Variants in TUBB3 observed in about 807,000 individuals in gnomAD.
TUBB3 encodes the protein tubulin beta-3 chain.
In TUBB3, 17 loss-of-function variants were observed where a neutral mutation model predicts 37.8. The observed-to-expected ratio is 0.45, with a 90% CI of 0.31 to 0.67. The LOEUF (loss-of-function observed/expected upper bound fraction) is 0.67, where lower values mean the gene tolerates loss of function less well. TUBB3 is among the 30% of genes least tolerant of loss of function. The pLI is 0.07. For missense variants in TUBB3, 262 were observed against 657.9 expected (o/e 0.40, Z 6.58); for synonymous variants, 332 against 278.9 (o/e 1.19, Z -1.90).
intron 1 of TUBB3, among the ~76,000 whole-genome samples, chr16:89,929,382 A>G (rs12325120): frequency 0.25 from 37,605 of 152,088 alleles, 6,562 homozygotes; most frequent in African/African-American, 0.5. Context: ...GACCTCTGAT[A>G]ACAGTCTCAG....
chr16:89,928,229 G>GT (rs929566604), intron 1 of TUBB3, among the ~76,000 whole-genome samples: 6 of 149,148 alleles, frequency 4.0e-5, no homozygotes, highest in South Asian at 2.1e-4. Flanking sequence ...TAATTTTTTT[G>GT]TTTTTTGGTA....
intron 1 of TUBB3, among the ~76,000 whole-genome samples, chr16:89,923,803 G>C (rs967574411): frequency 7.2e-5 from 11 of 152,252 alleles, no homozygotes; most frequent in African/African-American, 2.6e-4. Context: ...TCTTTTTTGG[G>C]GCCGCGGCAT....
Position 89,932,626 on chromosome 16 carries a change from G to A in TUBB3, c.113G>A (p.Gly38Asp). ...HGIDPSGNYV[G>D]DSDLQLERIS... is the part of the protein sequence containing the mutation. The stretch of plus-strand genomic sequence containing the variant: ...ATCGACCCCAGCGGCAACTACGTGG[G>A]CGACTCGGACTTGCAGCTGGAGCGG... Residue 38 changes from glycine (G) to aspartate (D), a missense_variant, in exon 2 of 4, where the codon GGC (glycine) becomes GAC (aspartate). By Grantham distance (94) the Gly-to-Asp change is moderately conservative (BLOSUM62 -1). Coordinates refer to ENST00000315491, the MANE Select transcript of TUBB3 (RefSeq NM_006086.4). 1 of 1,614,182 alleles carries A rather than the reference G, an allele frequency of 6.2e-7. No individual in the cohort carries two copies. Among genetic ancestry groups the A allele is most frequent in the South Asian group, 1.1e-5 (1 of 91,088 alleles).
At chr16:89,924,986 C>G (rs1300362275) in intron 1 of TUBB3, among the ~76,000 whole-genome samples, 1 of 148,260 alleles carries the variant, frequency 6.7e-6, no homozygotes, top group Non-Finnish European at 1.5e-5. Flanking sequence ...CTGGGAGGGT[C>G]AGGGGTCTCT....
At chr16:89,922,468 G>C (rs966518882), upstream of TUBB3, 9 of 152,580 alleles carry the variant, frequency 5.9e-5, no homozygotes, top group South Asian at 8.3e-4. Context: ...ACCAGTAAAC[G>C]CATCTCCAGT....
intron 1 of TUBB3, 105 bp from the exon 2 acceptor site, chr16:89,932,466 C>A: frequency 2.2e-6 from 2 of 929,002 alleles, no homozygotes; most frequent in South Asian, 1.3e-5. Context: ...GGCCGTGGGT[C>A]AAAAGCCCTA....
At chr16:89,924,670 T>A (rs2144401400) in intron 1 of TUBB3, among the ~76,000 whole-genome samples, 1 of 151,952 alleles carries the variant, frequency 6.6e-6, no homozygotes, top group Admixed American at 6.6e-5. Flanking sequence ...GGCTGACATG[T>A]AAATTGCAAC....
At chr16:89,931,698 C>T (rs144905618) in intron 1 of TUBB3, 47 of 200,408 alleles carry the variant, frequency 2.3e-4, no homozygotes. Context: ...CACTGAGACA[C>T]GGAATCCTAG....
chr16:89,923,103 A>G (rs985339740), upstream of TUBB3, among the ~76,000 whole-genome samples: 9 of 152,026 alleles, frequency 5.9e-5, no homozygotes, highest in African/African-American at 1.9e-4. Flanking sequence ...CTCCTCTGGG[A>G]GACAGCCCCT....
Position 89,934,895 on chromosome 16 carries a change from C to T in TUBB3, c.444C>T (p.Gly148=). 1 of 1,614,154 alleles carries T rather than the reference C, an allele frequency of 6.2e-7. No individual in the cohort carries two copies. Among genetic ancestry groups the T allele is most frequent in the Non-Finnish European group, 8.5e-7 (1 of 1,180,016 alleles). The change falls in exon 4 of 4, where the codon GGC becomes GGT. Residue 148 remains glycine (G), a synonymous_variant. Coordinates refer to ENST00000315491, the MANE Select transcript of TUBB3 (RefSeq NM_006086.4). ...SLGGGTGSGM[G]TLLISKVREE... is the part of the protein sequence containing the mutation. ...GGGGCGGCACGGGCTCCGGCATGGGCACGTTGCTCATCAGCAAGGTGCGTG... is the reference window on the plus strand; with the variant it reads ...GGGGCGGCACGGGCTCCGGCATGGGTACGTTGCTCATCAGCAAGGTGCGTG...
At position 89,935,768 on chromosome 16, in the gene TUBB3, C is replaced by T. The variant is rs75950334; in HGVS notation, c.1317C>T (p.Asp439=). 6.4e-4 allele frequency: 1,040 copies of T among 1,613,848 alleles called. 5 individuals carry two copies. In the African/African-American group the frequency reaches 0.01, roughly 16 times the overall value. Residue 439 remains aspartate, a synonymous_variant, in exon 4 of 4, where the codon GAC becomes GAT. Transcript: ENST00000315491. The part of the protein sequence containing the change: ...TAEEEGEMYE[D]DEEESEAQGP... ...AGGAAGAGGGCGAGATGTACGAAGA[C>T]GACGAGGAGGAGTCGGAGGCCCAGG...
At chr16:89,926,877 C>T (rs2030107967) in intron 1 of TUBB3, among the ~76,000 whole-genome samples, 1 of 152,032 alleles carries the variant, frequency 6.6e-6, no homozygotes, top group South Asian at 2.1e-4. Context: ...GCCACCACAC[C>T]TGGCTTATTT....
At chr16:89,933,747 A>T in intron 3 of TUBB3, 169 bp downstream of exon 3, 1 of 720,956 alleles carries the variant, frequency 1.4e-6, no homozygotes, top group Non-Finnish European at 2.5e-6. Context: ...GCCCAGAGAA[A>T]GGGTTCTGTG....
At chr16:89,930,614 G>T (rs1034345679) in intron 1 of TUBB3, among the ~76,000 whole-genome samples, 23 of 152,010 alleles carry the variant, frequency 1.5e-4, no homozygotes, top group Admixed American at 3.9e-4. Context: ...AGACAGGCTG[G>T]TCTCGAACTC....
At chr16:89,924,558 C>A (rs976236091) in intron 1 of TUBB3, among the ~76,000 whole-genome samples, 5 of 151,940 alleles carry the variant, frequency 3.3e-5, no homozygotes, top group African/African-American at 1.2e-4. Flanking sequence ...GTGCAGGAGA[C>A]GGTCCTGGAG....
In TUBB3 at chr16:89,932,559, C is replaced by T. The variant is rs772923327; in HGVS notation, c.58-12C>T. 1 of 1,612,970 alleles carries T rather than the reference C, an allele frequency of 6.2e-7. No homozygotes were observed. Among genetic ancestry groups the T allele is most frequent in the Non-Finnish European group, 8.5e-7 (1 of 1,179,052 alleles). On this transcript the variant is annotated splice_polypyrimidine_tract_variant and intron_variant, in intron 1 of 3. Transcript: ENST00000315491. ...GCCGGTGCCGACCCCCCCTCTCCCA[C>T]TTTGTTTGCAGTTCTGGGAAGTCAT...
chr16:89,928,509 T>C (rs1365765000), intron 1 of TUBB3, among the ~76,000 whole-genome samples: 2 of 146,782 alleles, frequency 1.4e-5, no homozygotes, highest in Admixed American at 6.9e-5. Context: ...CAGGCACCCG[T>C]CACCACACTG....
chr16:89,934,602 C>T (rs1367230767), intron 3 of TUBB3, 127 bp from the exon 4 acceptor site: 2 of 943,402 alleles, frequency 2.1e-6, no homozygotes, highest in Admixed American at 2.2e-5. Context: ...TCAGTGGGGC[C>T]TACTTTACAG....
At chr16:89,932,510 G>C (rs554643382) in intron 1 of TUBB3, 61 bp from the exon 2 acceptor site, 1 of 1,441,934 alleles carries the variant, frequency 6.9e-7, no homozygotes, top group Non-Finnish European at 9.8e-7. Flanking sequence ...CTTCACAAGG[G>C]AAAGGGCCTG....
Sources: gnomAD v4.1 joint callset for allele counts (sites outside exome capture counted in the v4.1 genomes callset) on GRCh38, gnomAD v4.1.1 for gene constraint, MANE v1.5 for transcripts, NCBI Gene and HGNC (gene_info 2026-07-23, HGNC 2026-07-21) for gene names.